FUT8: variants seen among roughly 807,000 people sequenced by gnomAD.
The protein encoded by FUT8 is fucosyltransferase 8.
A neutral mutation model predicts 71.3 loss-of-function variants in FUT8; 29 were observed. The observed-to-expected ratio is 0.41, with a 90% CI of 0.30 to 0.55. The LOEUF is 0.55. FUT8 is among the 20% of genes least tolerant of loss of function. The probability of loss-of-function intolerance (pLI) is 0.34; values close to 1 mark genes in which losing one functional copy is unlikely to be tolerated. For synonymous variants in FUT8, 254 were observed against 239.3 expected (o/e 1.06, Z -0.57); for missense variants, 544 against 702.1 (o/e 0.77, Z 2.55).
chr14:65,543,082 A>G (rs1432609801), intron 2 of FUT8, among the ~76,000 whole-genome samples: 2 of 152,130 alleles, frequency 1.3e-5, no homozygotes, highest in African/African-American at 4.8e-5. Flanking sequence ...GCGCCTGGCC[A>G]TGACTAGGAA....
intron 2 of FUT8, chr14:65,516,417 T>A (rs1306843195): frequency 6.6e-6 from 1 of 152,198 alleles, no homozygotes; most frequent in Admixed American, 6.5e-5. Context: ...GTTAAAGACA[T>A]ATGGATATGT....
chr14:65,534,289 ATTTTTATTTTATTTTAT>A (rs542148758), intron 2 of FUT8, among the ~76,000 whole-genome samples: 1,835 of 151,802 alleles, frequency 0.012, 17 homozygotes, highest in Non-Finnish European at 0.018. Context: ...TGCCTGGCTA[ATTTTTATTTTATTTTAT>A]TTTTTATTTT....
intron 2 of FUT8, among the ~76,000 whole-genome samples, chr14:65,500,198 A>C (rs2066624311): frequency 6.6e-6 from 1 of 152,196 alleles, no homozygotes; most frequent in South Asian, 2.1e-4. Context: ...TGAGTAGCAC[A>C]GTTATGCAGT....
intron 5 of FUT8, among the ~76,000 whole-genome samples, chr14:65,618,150 C>T (rs1043768996): frequency 6.7e-6 from 1 of 150,264 alleles, no homozygotes; most frequent in African/African-American, 2.4e-5. Flanking sequence ...GATCCTCCCT[C>T]GTCAGCCTCC....
At chr14:65,644,415 C>T (rs951436292) in intron 6 of FUT8, among the ~76,000 whole-genome samples, 4 of 151,888 alleles carry the variant, frequency 2.6e-5, no homozygotes, top group Non-Finnish European at 4.4e-5. Flanking sequence ...CTCAGCCTCC[C>T]GACTAGCTGG....
At chr14:65,654,924 A>G (rs1190530327) in intron 6 of FUT8, among the ~76,000 whole-genome samples, 3 of 150,450 alleles carry the variant, frequency 2.0e-5, no homozygotes, top group Non-Finnish European at 4.4e-5. Flanking sequence ...TGTTTTTGAT[A>G]CAGAGTTTTG....
chr14:65,524,131 G>A (rs552051619), intron 2 of FUT8, among the ~76,000 whole-genome samples: 1 of 152,302 alleles, frequency 6.6e-6, no homozygotes, highest in South Asian at 2.1e-4. Flanking sequence ...TAGTTTGATG[G>A]GGATGGCATT....
chr14:65,676,154 C>A (rs995079234), intron 7 of FUT8, among the ~76,000 whole-genome samples: 1 of 152,124 alleles, frequency 6.6e-6, no homozygotes, highest in Admixed American at 6.5e-5. Flanking sequence ...AAGAATGAAT[C>A]TTTTAAGCAA....
At position 65,690,555 on chromosome 14, in the gene FUT8, T is replaced by G. The variant is rs547322972; in HGVS notation, c.835+21075T>G. 3.3e-5 allele frequency among the ~76,000 whole-genome samples: 5 copies of G among 152,268 alleles called. No individual in the cohort carries two copies. The East Asian group carries it at 7.7e-4, about 23-fold the overall frequency. ...TTATTTAGATTTTCTTTGGTTTCTT[T>G]CTTCAGTTTTATAATTTTTGTCATA... On this transcript the variant is annotated intron_variant, in intron 7 of 10. Transcript: ENST00000673929.
the FUT8 span, among the ~76,000 whole-genome samples, chr14:65,375,256 G>A: frequency 7.2e-5 from 11 of 152,236 alleles, no homozygotes; most frequent in South Asian, 2.1e-4. Flanking sequence ...GTTGCCACAC[G>A]TGGCAAATAT....
Position 65,419,402 on chromosome 14 carries a change from G to A in FUT8, c.-326+6188G>A, listed in dbSNP as rs2065261841. On this transcript the variant is annotated intron_variant, in intron 1 of 10. Coordinates refer to ENST00000673929, the MANE Select transcript of FUT8 (RefSeq NM_001371533.1). ...ATGAAGCACAGTGTTCTCCACTCAT[G>A]GGAGTACTGTTAGCAGGTTTAAGAC... 2.0e-5 allele frequency among the ~76,000 whole-genome samples: 3 copies of A among 152,164 alleles called. No individual in the cohort carries two copies. In the South Asian group the frequency reaches 6.2e-4, roughly 32 times the overall value.
intron 2 of FUT8, among the ~76,000 whole-genome samples, chr14:65,496,422 A>C (rs370224819): frequency 3.9e-5 from 6 of 152,218 alleles, no homozygotes. Context: ...TCCTCACCCA[A>C]ATCTCATCTT....
intron 9 of FUT8, among the ~76,000 whole-genome samples, chr14:65,730,475 C>A (rs1419226119): frequency 6.6e-6 from 1 of 152,126 alleles, no homozygotes; most frequent in Non-Finnish European, 1.5e-5. Flanking sequence ...AGATTGAGAC[C>A]ATCCTGGCTA....
intron 6 of FUT8, among the ~76,000 whole-genome samples, chr14:65,631,040 A>G (rs535779298): frequency 2.6e-5 from 4 of 152,242 alleles, no homozygotes; most frequent in Non-Finnish European, 4.4e-5. Flanking sequence ...GAGATCATTA[A>G]AAACCAAACT....
chr14:65,625,744 A>G (rs774789233), intron 5 of FUT8, among the ~76,000 whole-genome samples: 34 of 152,246 alleles, frequency 2.2e-4, no homozygotes, highest in Non-Finnish European at 4.6e-4. Context: ...CTATTAATTT[A>G]GGATGAATAG....
chr14:65,515,600 C>T (rs1365721407), intron 2 of FUT8, among the ~76,000 whole-genome samples: 1 of 151,800 alleles, frequency 6.6e-6, no homozygotes, highest in Non-Finnish European at 1.5e-5. Flanking sequence ...TATTAAAGTT[C>T]AGTTACAAAA....
chr14:65,729,834 G>C (rs1369796099), intron 9 of FUT8, among the ~76,000 whole-genome samples: 1 of 152,204 alleles, frequency 6.6e-6, no homozygotes, highest in Admixed American at 6.5e-5. Context: ...TCCCCTGCCA[G>C]TGGTAGTCCA....
intron 2 of FUT8, among the ~76,000 whole-genome samples, chr14:65,534,550 T>C (rs1287437914): frequency 3.8e-5 from 2 of 52,826 alleles, no homozygotes; most frequent in African/African-American, 8.2e-5. Context: ...GCTGTTTTTC[T>C]TTTTTTTTTT....
Position 65,472,485 on chromosome 14 carries a change from C to T in FUT8, c.-228+16767C>T, listed in dbSNP as rs762664724. On this transcript the variant is annotated intron_variant, in intron 2 of 10. Transcript: ENST00000673929. The surrounding 1 kb of genome is among the most constrained non-coding windows in gnomAD (Gnocchi z 4.4). ...CTCAGGCTATTTACTATTCTGTTTT[C>T]AAGTATAGATTGAGGGCAACAGCAG... Among the ~76,000 whole-genome samples, 1 of 151,890 alleles carries T rather than the reference C, an allele frequency of 6.6e-6. No individual in the cohort carries two copies. The highest frequency in any genetic ancestry group is 1.5e-5 in the Non-Finnish European group (1 of 67,992).
Sources: allele counts gnomAD v4.1 joint callset (sites outside exome capture counted in the v4.1 genomes callset), GRCh38; gene constraint gnomAD v4.1.1; non-coding constraint Gnocchi (gnomAD v3.1); transcripts MANE v1.5; gene names NCBI Gene and HGNC (gene_info 2026-07-23, HGNC 2026-07-21).